ARHGAP15: variants seen among roughly 807,000 people sequenced by gnomAD.
The protein encoded by ARHGAP15 is rho GTPase-activating protein 15.
A neutral mutation model predicts 63.7 loss-of-function variants in ARHGAP15; 51 were observed. That is an observed-to-expected ratio of 0.80 (90% CI 0.64 to 1.01). The LOEUF is 1.01. Ranked by LOEUF, ARHGAP15 falls within the 50% of genes least tolerant of loss-of-function variation. The probability of loss-of-function intolerance (pLI) is 0.00; values close to 1 mark genes in which losing one functional copy is unlikely to be tolerated. For missense variants in ARHGAP15, 560 were observed against 564.6 expected, an observed-to-expected ratio of 0.99 and a Z score of 0.08; for synonymous variants, 191 against 193.8, an observed-to-expected ratio of 0.99 and a Z score of 0.12.
At chr2:143,760,012 T>C in intron 13 of ARHGAP15, among the ~76,000 whole-genome samples, 1 of 152,170 alleles carries the variant, frequency 6.6e-6, no homozygotes, top group East Asian at 1.9e-4. Flanking sequence ...ACATTGTATA[T>C]TGCTTAGTGT....
At chr2:143,429,182 TA>T (rs1396219896) in intron 6 of ARHGAP15, among the ~76,000 whole-genome samples, 1 of 151,346 alleles carries the variant, frequency 6.6e-6, no homozygotes, top group Admixed American at 6.6e-5. Flanking sequence ...TCTCAGTACT[TA>T]AAATATTTTA....
rs60894627 is a variant in ARHGAP15, at chr2:143,765,109, ATGTGTGTGTGTGTG to A, written c.1245-2855_1245-2842del. Among the ~76,000 whole-genome samples the A allele has an allele frequency of 1.8e-3, 260 of 147,602 alleles. 1 individual carries two copies. The highest frequency in any genetic ancestry group is 7.1e-3 in the Middle Eastern group (2 of 282). On this transcript the variant is annotated intron_variant, in intron 13 of 13. Transcript: ENST00000295095. Reference sequence around the variant, plus strand: ...CTATCTCCATATTTGCCTCTAAAATATGTGTGTGTGTGTGTGTGTGTGTGTGTGTGTGTGTGTGG... The same window carrying A: ...CTATCTCCATATTTGCCTCTAAAATATGTGTGTGTGTGTGTGTGTGTGTGG...
At chr2:143,492,379 TCTC>T (rs1239673297) in intron 9 of ARHGAP15, among the ~76,000 whole-genome samples, 1 of 152,174 alleles carries the variant, frequency 6.6e-6, no homozygotes, top group African/African-American at 2.4e-5. Context: ...CTCTGCCTCT[TCTC>T]TTCTACTTCT....
chr2:143,224,759 A>G (rs1287498996), intron 4 of ARHGAP15, among the ~76,000 whole-genome samples: 1 of 152,224 alleles, frequency 6.6e-6, no homozygotes, highest in African/African-American at 2.4e-5. Flanking sequence ...CAGAGCTGAC[A>G]ATGCCTTACG....
At chr2:143,361,173 A>T (rs181108966) in intron 6 of ARHGAP15, among the ~76,000 whole-genome samples, 166 of 152,294 alleles carry the variant, frequency 1.1e-3, no homozygotes, top group African/African-American at 3.6e-3. Context: ...AAGCAAAAAA[A>T]AATTTTTTTT....
intron 2 of ARHGAP15, among the ~76,000 whole-genome samples, chr2:143,182,818 AG>A (rs1691291746): frequency 6.6e-6 from 1 of 152,164 alleles, no homozygotes; most frequent in South Asian, 2.1e-4. Context: ...TGTATGTAAC[AG>A]GGCACCTACT....
chr2:143,657,349 AAAAAC>A (rs1021327778), intron 12 of ARHGAP15, among the ~76,000 whole-genome samples: 2 of 152,214 alleles, frequency 1.3e-5, no homozygotes, highest in Non-Finnish European at 2.9e-5. Context: ...TCCGCATCTT[AAAAAC>A]AAAACAAAAC....
intron 11 of ARHGAP15, among the ~76,000 whole-genome samples, chr2:143,594,024 C>T (rs1212566781): frequency 6.6e-6 from 1 of 151,910 alleles, no homozygotes; most frequent in African/African-American, 2.4e-5. Context: ...TAAAAATAAA[C>T]AGCAAATTAT....
At chr2:143,638,553 A>G (rs1337631161) in intron 12 of ARHGAP15, among the ~76,000 whole-genome samples, 2 of 149,864 alleles carry the variant, frequency 1.3e-5, no homozygotes, top group African/African-American at 4.9e-5. Context: ...CTAATGCTAG[A>G]TGACGAGTTA....
At chr2:143,244,854 G>A (rs1380308758) in intron 5 of ARHGAP15, among the ~76,000 whole-genome samples, 2 of 152,178 alleles carry the variant, frequency 1.3e-5, no homozygotes, top group Non-Finnish European at 2.9e-5. Context: ...CTGAGGTTAA[G>A]GTCATGAGAT....
At chr2:143,226,330 A>G (rs1216306370) in intron 4 of ARHGAP15, among the ~76,000 whole-genome samples, 2 of 152,220 alleles carry the variant, frequency 1.3e-5, no homozygotes, top group Non-Finnish European at 2.9e-5. Context: ...TCCAGGACTT[A>G]CTATAGATAG....
At chr2:143,570,282 A>C (rs1411623580) in intron 11 of ARHGAP15, among the ~76,000 whole-genome samples, 2 of 151,704 alleles carry the variant, frequency 1.3e-5, no homozygotes, top group Non-Finnish European at 2.9e-5. Context: ...TTTCCCTGGA[A>C]CCTCCCCCCA....
chr2:143,539,978 G>A (rs966032988), intron 10 of ARHGAP15, among the ~76,000 whole-genome samples: 1 of 152,024 alleles, frequency 6.6e-6, no homozygotes, highest in African/African-American at 2.4e-5. Context: ...TTGACAGTGG[G>A]GTGTTAAAAT....
chr2:143,600,757 C>T (rs1299485641), intron 11 of ARHGAP15, among the ~76,000 whole-genome samples: 1 of 152,116 alleles, frequency 6.6e-6, no homozygotes, highest in Non-Finnish European at 1.5e-5. Flanking sequence ...ATGGTACCGG[C>T]TACTGTAGTA....
chr2:143,244,584 G>A (rs1006391507), intron 5 of ARHGAP15, among the ~76,000 whole-genome samples: 3 of 152,212 alleles, frequency 2.0e-5, no homozygotes, highest in Non-Finnish European at 4.4e-5. Context: ...TGCCACGGAT[G>A]TAGCGTAGCT....
intron 12 of ARHGAP15, among the ~76,000 whole-genome samples, chr2:143,663,029 G>A (rs1454804334): frequency 3.1e-5 from 4 of 129,108 alleles, no homozygotes; most frequent in Non-Finnish European, 5.0e-5. Flanking sequence ...AATCTAGCAA[G>A]GCAGGCCAAC....
intron 11 of ARHGAP15, among the ~76,000 whole-genome samples, chr2:143,566,112 C>G (rs1346298530): frequency 6.6e-6 from 1 of 151,958 alleles, no homozygotes; most frequent in Non-Finnish European, 1.5e-5. Flanking sequence ...TTTCAGGTCC[C>G]CAAGCACAAC....
chr2:143,171,268 A>G (rs1247563689), intron 2 of ARHGAP15, among the ~76,000 whole-genome samples: 2 of 152,144 alleles, frequency 1.3e-5, no homozygotes, highest in Admixed American at 6.6e-5. Context: ...TTCAGAGTTT[A>G]TGATGTGCAA....
At chr2:143,639,451 A>G (rs768695735) in intron 12 of ARHGAP15, among the ~76,000 whole-genome samples, 1 of 152,134 alleles carries the variant, frequency 6.6e-6, no homozygotes, top group Admixed American at 6.6e-5. Flanking sequence ...TAGCAGATGG[A>G]GAAGGCTAAA....
Sources: allele counts gnomAD v4.1 joint callset (sites outside exome capture counted in the v4.1 genomes callset), GRCh38; gene constraint gnomAD v4.1.1; transcripts MANE v1.5; gene names NCBI Gene and HGNC (gene_info 2026-07-23, HGNC 2026-07-21).